Variants in RAPGEF4 observed in about 807,000 individuals in gnomAD.
RAPGEF4 encodes RAP guanine-nucleotide-exchange factor (GEF) 4.
In RAPGEF4, 66 loss-of-function variants were observed where a neutral mutation model predicts 147.9. The observed-to-expected ratio is 0.45, with a 90% CI of 0.37 to 0.55. RAPGEF4 has a LOEUF of 0.55. Among genes scored for constraint, RAPGEF4 ranks in the 20% least tolerant of loss-of-function variants. The pLI, the probability that RAPGEF4 is intolerant of heterozygous loss-of-function variation, is 0.00. For synonymous variants in RAPGEF4, 419 were observed against 442.7 expected, an observed-to-expected ratio of 0.95 and a Z score of 0.67; for missense variants, 1,071 against 1,257.3, an observed-to-expected ratio of 0.85 and a Z score of 2.24.
At chr2:172,916,868 C>T (rs1475605846) in intron 4 of RAPGEF4, among the ~76,000 whole-genome samples, 2 of 152,174 alleles carry the variant, frequency 1.3e-5, no homozygotes, top group Non-Finnish European at 2.9e-5. Context: ...CCCACAAGCA[C>T]ACTATGGAGT....
At chr2:172,748,942 T>C (rs1008335463) in intron 1 of RAPGEF4, among the ~76,000 whole-genome samples, 13 of 152,184 alleles carry the variant, frequency 8.5e-5, no homozygotes, top group African/African-American at 3.1e-4. Flanking sequence ...AGTGGGGCAG[T>C]CAAATCTTAA....
rs140879215 is a variant in RAPGEF4, at chr2:172,756,108, A to G, written c.65+20060A>G. ...TATGATAGTTCCAACCCTACTTCAT[A>G]TCACTCATTTATTTCTATAGGACTC... On this transcript the variant is annotated intron_variant, in intron 1 of 30. Transcript: ENST00000397081. Among the ~76,000 whole-genome samples, 14 of 152,356 alleles carry G rather than the reference A, an allele frequency of 9.2e-5. No homozygotes were observed. In the East Asian group the frequency reaches 2.7e-3, roughly 29 times the overall value.
chr2:172,985,289 A>G (rs1052882794), intron 11 of RAPGEF4, 144 bp from the exon 12 acceptor site: 43 of 1,118,572 alleles, frequency 3.8e-5, no homozygotes, highest in Admixed American at 4.8e-5. Flanking sequence ...GTGATTTTAG[A>G]TGAGAGCAGC....
chr2:172,940,720 T>C (rs1411939257), intron 6 of RAPGEF4, among the ~76,000 whole-genome samples: 3 of 152,220 alleles, frequency 2.0e-5, no homozygotes, highest in Admixed American at 6.5e-5. Flanking sequence ...GTCCTCTACC[T>C]TTCCAGTAAT....
At chr2:172,922,343 A>G (rs1684858712) in intron 6 of RAPGEF4, 43 bp downstream of exon 6, 1 of 1,556,804 alleles carries the variant, frequency 6.4e-7, no homozygotes, top group Non-Finnish European at 8.9e-7. Flanking sequence ...AAATTGTTAT[A>G]AGGTAAAAAA....
At chr2:172,910,777 T>C (rs574452230) in intron 4 of RAPGEF4, among the ~76,000 whole-genome samples, 44 of 152,290 alleles carry the variant, frequency 2.9e-4, no homozygotes, top group Non-Finnish European at 5.9e-4. Flanking sequence ...AGAGAGCATT[T>C]CGAGACCAAG....
intron 1 of RAPGEF4, among the ~76,000 whole-genome samples, chr2:172,758,690 G>T (rs1378166461): frequency 6.6e-6 from 1 of 152,154 alleles, no homozygotes; most frequent in Non-Finnish European, 1.5e-5. Context: ...TTTTGGGCTG[G>T]GTCATTTGGA....
intron 6 of RAPGEF4, among the ~76,000 whole-genome samples, chr2:172,959,237 G>C (rs1689043931): frequency 6.6e-6 from 1 of 152,236 alleles, no homozygotes; most frequent in South Asian, 2.1e-4. Flanking sequence ...GCGTTCATCT[G>C]GAAGTTCTAG....
intron 18 of RAPGEF4, among the ~76,000 whole-genome samples, chr2:173,015,095 G>A (rs1014031724): frequency 2.6e-5 from 4 of 152,206 alleles, no homozygotes; most frequent in Non-Finnish European, 4.4e-5. Flanking sequence ...ATAGTAGTAC[G>A]GTAAAAAGTC....
rs575063184 is a variant in RAPGEF4, at chr2:173,014,687, G to A, written c.1809+73G>A. On this transcript the variant is annotated intron_variant, in intron 18 of 30. Transcript: ENST00000397081. ...CAGGGACCTACTTATAGGCTCAGCA[G>A]CTTCCCTGGAGAGACCGTAATTGCA... 471 of 1,455,288 alleles carry A rather than the reference G, an allele frequency of 3.2e-4. 1 individual carries two copies. The Middle Eastern group carries it at 4.6e-3, about 14-fold the overall frequency. 90.1% of individuals were successfully genotyped at this position (1,455,288 alleles called of 1,614,324 possible). A position where few individuals can be genotyped will look rare whatever the true frequency, so the allele number is the denominator to read the frequency against.
intron 10 of RAPGEF4, among the ~76,000 whole-genome samples, chr2:172,983,197 A>T (rs2105664751): frequency 6.6e-6 from 1 of 152,330 alleles, no homozygotes; most frequent in South Asian, 2.1e-4. Flanking sequence ...TAGCTCAATC[A>T]TCTACAAAGT....
At chr2:172,975,712 T>C (rs990107732) in intron 10 of RAPGEF4, among the ~76,000 whole-genome samples, 4 of 152,340 alleles carry the variant, frequency 2.6e-5, no homozygotes, top group South Asian at 4.1e-4. Flanking sequence ...AATGCATTCA[T>C]GTAGCACCTT....
intron 30 of RAPGEF4, among the ~76,000 whole-genome samples, chr2:173,049,140 G>C (rs1038623019): frequency 1.3e-5 from 2 of 152,140 alleles, no homozygotes; most frequent in African/African-American, 4.8e-5. Flanking sequence ...CCAAAAACAG[G>C]ATTTCATATT....
At chr2:172,923,580 A>G (rs1381718178) in intron 6 of RAPGEF4, among the ~76,000 whole-genome samples, 1 of 152,184 alleles carries the variant, frequency 6.6e-6, no homozygotes, top group African/African-American at 2.4e-5. Flanking sequence ...ACTTGGGTTT[A>G]AGACCTAGCA....
At chr2:173,021,397 TC>T (rs1252798537) in intron 23 of RAPGEF4, among the ~76,000 whole-genome samples, 1 of 152,176 alleles carries the variant, frequency 6.6e-6, no homozygotes, top group Non-Finnish European at 1.5e-5. Context: ...ACTGGTTTCT[TC>T]AGTCTTTGGA....
At chr2:172,857,414 T>C (rs1338625731) in intron 4 of RAPGEF4, among the ~76,000 whole-genome samples, 2 of 152,218 alleles carry the variant, frequency 1.3e-5, no homozygotes, top group African/African-American at 4.8e-5. Context: ...CATCCCAAGA[T>C]CTCATTACTC....
chr2:173,047,114 A>AC (rs989350716), intron 29 of RAPGEF4, among the ~76,000 whole-genome samples: 2 of 151,068 alleles, frequency 1.3e-5, no homozygotes, highest in African/African-American at 4.9e-5. Context: ...TCTCCACAGG[A>AC]CCCCCTTTAG....
intron 4 of RAPGEF4, among the ~76,000 whole-genome samples, chr2:172,817,779 C>T (rs1688647570): frequency 6.6e-6 from 1 of 151,686 alleles, no homozygotes; most frequent in South Asian, 2.1e-4. Context: ...AAAAAAGATA[C>T]TTGCACATGC....
intron 22 of RAPGEF4, 51 bp from the exon 23 acceptor site, chr2:173,020,567 G>T: frequency 2.8e-6 from 4 of 1,442,376 alleles, no homozygotes; most frequent in Non-Finnish European, 3.9e-6. Flanking sequence ...GGGCAGTGCA[G>T]CAAATCTCAG....
Sources: allele counts gnomAD v4.1 joint callset (sites outside exome capture counted in the v4.1 genomes callset), GRCh38; gene constraint gnomAD v4.1.1; transcripts MANE v1.5; gene names NCBI Gene and HGNC (gene_info 2026-07-23, HGNC 2026-07-21).